GPC4: variants seen among roughly 807,000 people sequenced by gnomAD.
GPC4 encodes glypican 4.
GPC4 carries 10 observed loss-of-function variants against 35.0 expected under a neutral mutation model. The observed-to-expected ratio is 0.29, with a 90% CI of 0.18 to 0.48. The LOEUF (loss-of-function observed/expected upper bound fraction) is 0.48. Ranked by LOEUF, GPC4 falls within the 20% of genes least tolerant of loss-of-function variation. The probability of loss-of-function intolerance (pLI) is 0.99; values close to 1 mark genes in which losing one functional copy is unlikely to be tolerated. For synonymous variants in GPC4, 167 were observed against 170.2 expected (o/e 0.98, Z 0.15); for missense variants, 322 against 451.3 (o/e 0.71, Z 2.60).
intron 4 of GPC4, among the ~76,000 whole-genome samples, chrX:133,310,181 C>A (rs1473106522): frequency 9.0e-6 from 1 of 111,277 alleles, no homozygotes; most frequent in Non-Finnish European, 1.9e-5. Flanking sequence ...TCACCTCCCC[C>A]CAAAAAACCA....
chrX:133,321,467 G>A (rs1219024899), intron 3 of GPC4, among the ~76,000 whole-genome samples: 1 of 112,413 alleles, frequency 8.9e-6, no homozygotes, highest in Non-Finnish European at 1.9e-5. Context: ...CTCAAAGGAA[G>A]GGGAGAGGGT....
intron 1 of GPC4, among the ~76,000 whole-genome samples, chrX:133,396,292 T>C (rs2068742587): frequency 9.0e-6 from 1 of 111,520 alleles, no homozygotes; most frequent in Non-Finnish European, 1.9e-5. Context: ...CTGTTGAAAA[T>C]AGCGATAAAT....
At chrX:133,313,203 G>C (rs1325220338) in intron 3 of GPC4, among the ~76,000 whole-genome samples, 2 of 111,894 alleles carry the variant, frequency 1.8e-5, no homozygotes, top group Non-Finnish European at 3.8e-5. Flanking sequence ...TTAGGAACAG[G>C]AACAGGGGAT....
rs191324994 is a variant in GPC4, at chrX:133,322,846, C to T, written c.711+1299G>A. On this transcript the variant is annotated intron_variant, in intron 3 of 8. Transcript: ENST00000370828. ...TACAATTTGGCTTTCCCTTTGAGGG[C>T]CTAAAGTTGACAGCACTAAGATCAG... Among the ~76,000 whole-genome samples the T allele has an allele frequency of 6.2e-5, 7 of 112,034 alleles. No individual in the cohort carries two copies. In the East Asian group the frequency reaches 2.0e-3, roughly 32 times the overall value.
intron 1 of GPC4, among the ~76,000 whole-genome samples, chrX:133,356,441 C>T (rs192149306): frequency 2.1e-4 from 23 of 111,341 alleles, no homozygotes; most frequent in African/African-American, 5.9e-4. Context: ...GACAGGGTTT[C>T]ACCATGTTGG....
chrX:133,342,618 C>T (rs1478437785), intron 1 of GPC4, among the ~76,000 whole-genome samples: 1 of 111,527 alleles, frequency 9.0e-6, no homozygotes, highest in Non-Finnish European at 1.9e-5. Flanking sequence ...CTGTGACACA[C>T]GTAGTCCAAG....
At chrX:133,327,606 G>C (rs917003396) in intron 2 of GPC4, among the ~76,000 whole-genome samples, 1 of 102,508 alleles carries the variant, frequency 9.8e-6, no homozygotes. Flanking sequence ...ACCATACTTT[G>C]GTTTCCATGA....
rs955659086 is a variant in GPC4, at chrX:133,362,631, A to G, written c.161-23290T>C. 3.6e-5 allele frequency among the ~76,000 whole-genome samples: 4 copies of G among 111,834 alleles called. No homozygotes were observed. The East Asian group carries it at 1.1e-3, about 32-fold the overall frequency. Reference sequence around the variant, plus strand: ...CAGAATCAGACACTAACAGCACCAGAGTAATGCCCTGGTAAAGGGATGAAA... The same window carrying G: ...CAGAATCAGACACTAACAGCACCAGGGTAATGCCCTGGTAAAGGGATGAAA... On this transcript the variant is annotated intron_variant, in intron 1 of 8. Coordinates refer to ENST00000370828, the MANE Select transcript of GPC4 (RefSeq NM_001448.3).
chrX:133,382,372 G>A (rs1444530750), intron 1 of GPC4, among the ~76,000 whole-genome samples: 1 of 93,396 alleles, frequency 1.1e-5, no homozygotes, highest in African/African-American at 4.2e-5. Flanking sequence ...CTTGCAGTGA[G>A]CTAAGATCGT....
At chrX:133,371,955 C>T (rs188165821) in intron 1 of GPC4, among the ~76,000 whole-genome samples, 349 of 111,102 alleles carry the variant, frequency 3.1e-3, no homozygotes, top group African/African-American at 0.011. Context: ...TATGGAAGGC[C>T]GGGCGCGGTG....
At chrX:133,323,814 T>C (rs1218291232) in intron 3 of GPC4, among the ~76,000 whole-genome samples, 1 of 111,863 alleles carries the variant, frequency 8.9e-6, no homozygotes, top group Non-Finnish European at 1.9e-5. Context: ...AGAAAGGAAG[T>C]AGAATAAGAG....
intron 1 of GPC4, among the ~76,000 whole-genome samples, chrX:133,360,921 G>C (rs756628545): frequency 1.8e-5 from 2 of 111,130 alleles, no homozygotes; most frequent in African/African-American, 6.5e-5. Flanking sequence ...AACTGATTAC[G>C]GTTTTTATCC....
chrX:133,410,687 T>C (rs1268044398), intron 1 of GPC4, among the ~76,000 whole-genome samples: 1 of 112,321 alleles, frequency 8.9e-6, no homozygotes, highest in African/African-American at 3.2e-5. Context: ...AGTCTCCAGT[T>C]AATCCTGAAA....
At chrX:133,303,672 C>T (rs1336456644) in intron 7 of GPC4, among the ~76,000 whole-genome samples, 1 of 110,062 alleles carries the variant, frequency 9.1e-6, no homozygotes, top group African/African-American at 3.3e-5. Context: ...GCCAACATAG[C>T]GAAACCCTGT....
chrX:133,361,316 C>A (rs2068566579), intron 1 of GPC4, among the ~76,000 whole-genome samples: 1 of 112,176 alleles, frequency 8.9e-6, no homozygotes, highest in African/African-American at 3.2e-5. Flanking sequence ...ACCCATGCAG[C>A]AAGGCTGTTA....
intron 3 of GPC4, among the ~76,000 whole-genome samples, chrX:133,318,532 C>T (rs1355034997): frequency 8.9e-6 from 1 of 111,850 alleles, no homozygotes; most frequent in African/African-American, 3.3e-5. Flanking sequence ...AATGGTGAGG[C>T]ACTGATTTCT....
intron 1 of GPC4, among the ~76,000 whole-genome samples, chrX:133,400,981 A>C (rs1281036087): frequency 9.0e-6 from 1 of 110,787 alleles, no homozygotes; most frequent in African/African-American, 3.3e-5. Flanking sequence ...GGTGATAGGT[A>C]ATCAAAGCCC....
At chrX:133,356,150 G>A (rs1206250979) in intron 1 of GPC4, among the ~76,000 whole-genome samples, 4 of 112,020 alleles carry the variant, frequency 3.6e-5, no homozygotes, top group Admixed American at 9.4e-5. Flanking sequence ...GTTTCATGTT[G>A]AAATCTAATC....
intron 1 of GPC4, among the ~76,000 whole-genome samples, chrX:133,368,407 G>A (rs995006789): frequency 2.7e-5 from 3 of 111,178 alleles, no homozygotes; most frequent in Non-Finnish European, 3.8e-5. Flanking sequence ...AAACATCCAC[G>A]GTGATTGTGG....
Sources: allele counts gnomAD v4.1 joint callset (sites outside exome capture counted in the v4.1 genomes callset), GRCh38; gene constraint gnomAD v4.1.1; transcripts MANE v1.5; gene names NCBI Gene and HGNC (gene_info 2026-07-23, HGNC 2026-07-21).